The following R3HCC1L variants were observed in gnomAD, a reference collection of about 807,000 sequenced individuals.
R3HCC1L encodes the protein coiled-coil domain-containing protein R3HCC1L.
A neutral mutation model predicts 59.9 loss-of-function variants in R3HCC1L; 51 were observed. The observed-to-expected ratio is 0.85, with a 90% confidence interval of 0.68 to 1.07. The LOEUF (loss-of-function observed/expected upper bound fraction) is 1.07. Ranked by LOEUF, R3HCC1L falls within the 50% of genes least tolerant of loss-of-function variation. The pLI, the probability that R3HCC1L is intolerant of heterozygous loss-of-function variation, is 0.00. For synonymous variants in R3HCC1L, 322 were observed against 315.2 expected (o/e 1.02, Z -0.23); for missense variants, 965 against 933.0 (o/e 1.03, Z -0.45).
At chr10:98,168,841 C>T (rs1848216095) in intron 4 of R3HCC1L, among the ~76,000 whole-genome samples, 1 of 152,178 alleles carries the variant, frequency 6.6e-6, no homozygotes, top group South Asian at 2.1e-4. Context: ...ACCAGTTTCA[C>T]TGGTTGGTGG....
Position 98,209,383 on chromosome 10 carries a change from C to A in R3HCC1L, c.1269C>A (p.Thr423=), listed in dbSNP as rs1195932512. 1 of 1,613,848 alleles carries A rather than the reference C, an allele frequency of 6.2e-7. No homozygotes were observed. Among genetic ancestry groups the A allele is most frequent in the Non-Finnish European group, 8.5e-7 (1 of 1,179,970 alleles). The change falls in exon 5 of 10, where the codon ACC becomes ACA. Residue 423 remains threonine, a synonymous_variant. Transcript: ENST00000298999. ...SKFVGMSADA[T]PLHVARSGND... ...TTGTAGGAATGAGTGCAGATGCAAC[C>A]CCTCTTCATGTAGCTAGAAGTGGGA...
chr10:98,192,262 A>G (rs1850941590), intron 4 of R3HCC1L, among the ~76,000 whole-genome samples: 1 of 152,146 alleles, frequency 6.6e-6, no homozygotes, highest in African/African-American at 2.4e-5. Flanking sequence ...TAAGTCTTAT[A>G]AAGCTTTAAA....
At chr10:98,135,855 C>T (rs942654600) in intron 1 of R3HCC1L, among the ~76,000 whole-genome samples, 2 of 152,172 alleles carry the variant, frequency 1.3e-5, no homozygotes, top group Non-Finnish European at 2.9e-5. Context: ...CAACTAATAC[C>T]TGTCCCCAGC....
intron 4 of R3HCC1L, among the ~76,000 whole-genome samples, chr10:98,174,955 T>G (rs144457906): frequency 6.6e-6 from 1 of 152,282 alleles, no homozygotes; most frequent in Non-Finnish European, 1.5e-5. Context: ...CCGTTCAAAT[T>G]AAAAATATAG....
At position 98,208,937 on chromosome 10, in the gene R3HCC1L, G is replaced by T. The variant is rs1420557053; in HGVS notation, c.823G>T (p.Gly275Cys). The change falls in exon 5 of 10, where the codon GGT becomes TGT. Residue 275 changes from glycine (G) to cysteine (C), a missense_variant. By Grantham distance (159) the Gly-to-Cys change is radical (BLOSUM62 -3). Coordinates refer to ENST00000298999, the MANE Select transcript of R3HCC1L (RefSeq NM_001351015.2). ...TACTTCTGTTCCTGGAAGTCCAGAT[G>T]GTGTCTTTGATCAAACTTGCGTAGA... is the stretch of plus-strand genomic sequence containing the variant. Reference protein sequence around the residue: ...TTTSVPGSPDGVFDQTCVDFE... With the variant: ...TTTSVPGSPDCVFDQTCVDFE... The T allele has an allele frequency of 6.2e-7, 1 of 1,614,062 alleles. No individual in the cohort carries two copies. Among genetic ancestry groups the T allele is most frequent in the Admixed American group, 1.7e-5 (1 of 60,012 alleles).
intron 1 of R3HCC1L, among the ~76,000 whole-genome samples, chr10:98,143,942 A>G (rs182481742): frequency 3.9e-5 from 6 of 152,222 alleles, no homozygotes; most frequent in Admixed American, 3.9e-4. Flanking sequence ...CTGTGTGTCT[A>G]TTACCGTAGC....
At position 98,208,548 on chromosome 10, in the gene R3HCC1L, TG is replaced by T; in HGVS notation, c.436del (p.Glu146SerfsTer10). On this transcript the variant is annotated frameshift_variant, in exon 5 of 10. Transcript: ENST00000298999. LOFTEE classifies it high-confidence loss of function. ...CAGAGACATTTTAAACCAAAGAAGG[TG>T]GAGTGTTTGGAAGTTGAAACTACGG... Reference protein sequence around the residue: ...PLQRHFKPKKVECLEVETTDV... With the variant: ...PLQRHFKPKKXECLEVETTDV... The T allele has an allele frequency of 6.2e-7, 1 of 1,613,994 alleles. No homozygotes were observed. Among genetic ancestry groups the T allele is most frequent in the Non-Finnish European group, 8.5e-7 (1 of 1,179,994 alleles).
At chr10:98,201,926 G>T (rs768678646) in intron 4 of R3HCC1L, among the ~76,000 whole-genome samples, 41 of 145,468 alleles carry the variant, frequency 2.8e-4, no homozygotes, top group Admixed American at 7.0e-4. Context: ...TCACTACCTT[G>T]CCCAAGCTGG....
chr10:98,190,775 G>A (rs958706276), intron 4 of R3HCC1L, among the ~76,000 whole-genome samples: 3 of 152,046 alleles, frequency 2.0e-5, no homozygotes, highest in Non-Finnish European at 4.4e-5. Context: ...TTTACATTAG[G>A]TATTTCACCT....
intron 4 of R3HCC1L, among the ~76,000 whole-genome samples, chr10:98,187,887 C>T (rs1850395717): frequency 6.6e-6 from 1 of 151,820 alleles, no homozygotes; most frequent in Admixed American, 6.6e-5. Context: ...CAGATGTGCA[C>T]CACCATGCCC....
intron 1 of R3HCC1L, among the ~76,000 whole-genome samples, chr10:98,148,402 G>T (rs1205546591): frequency 1.3e-5 from 2 of 152,050 alleles, no homozygotes; most frequent in Non-Finnish European, 2.9e-5. Flanking sequence ...TATTGCTCTG[G>T]CCAGAACTTC....
chr10:98,235,440 G>A lies in R3HCC1L; in HGVS notation c.2048G>A (p.Gly683Asp). The change falls in exon 8 of 10, where the codon GGT becomes GAT. Residue 683 changes from glycine (G) to aspartate (D), a missense_variant. Physicochemically the swap from Gly to Asp is moderately conservative, Grantham distance 94. Coordinates refer to ENST00000298999, the MANE Select transcript of R3HCC1L (RefSeq NM_001351015.2). ...CTCTTTGCAGCTCGTGATGCGTTGGGTATTAAACACACCATGGTGAAGATT... is the reference window on the plus strand; with the variant it reads ...CTCTTTGCAGCTCGTGATGCGTTGGATATTAAACACACCATGGTGAAGATT... ...SSPITARDAL[G>D]IKHTMVKIRP... is the part of the protein sequence containing the mutation. 1.2e-6 allele frequency: 2 copies of A among 1,613,442 alleles called. No individual in the cohort carries two copies. The highest frequency in any genetic ancestry group is 1.1e-5 in the South Asian group (1 of 91,016).
chr10:98,225,682 T>C (rs1855595126), intron 5 of R3HCC1L, among the ~76,000 whole-genome samples: 1 of 152,198 alleles, frequency 6.6e-6, no homozygotes, highest in Non-Finnish European at 1.5e-5. Context: ...TGTTTTTTGC[T>C]ATTATTAACA....
At chr10:98,145,895 G>A (rs1845604471) in intron 1 of R3HCC1L, among the ~76,000 whole-genome samples, 1 of 151,716 alleles carries the variant, frequency 6.6e-6, no homozygotes, top group African/African-American at 2.4e-5. Context: ...GTTGCAGTGA[G>A]CCAAGATCAC....
At chr10:98,229,263 A>G (rs1590811203) in intron 5 of R3HCC1L, among the ~76,000 whole-genome samples, 1 of 152,140 alleles carries the variant, frequency 6.6e-6, no homozygotes, top group Admixed American at 6.5e-5. Context: ...TATTTCATCA[A>G]GCAGTGGTTT....
At chr10:98,142,053 G>T (rs1845193875) in intron 1 of R3HCC1L, among the ~76,000 whole-genome samples, 1 of 152,122 alleles carries the variant, frequency 6.6e-6, no homozygotes, top group Non-Finnish European at 1.5e-5. Context: ...GTGTTATTTT[G>T]TTAAAAAATT....
intron 2 of R3HCC1L, among the ~76,000 whole-genome samples, chr10:98,160,423 AGT>A (rs1847298455): frequency 6.6e-6 from 1 of 152,204 alleles, no homozygotes; most frequent in African/African-American, 2.4e-5. Context: ...AAATATTTTA[AGT>A]GTATTAGATA....
intron 1 of R3HCC1L, among the ~76,000 whole-genome samples, chr10:98,148,946 G>A (rs1264609066): frequency 2.0e-5 from 3 of 152,072 alleles, no homozygotes; most frequent in Non-Finnish European, 4.4e-5. Context: ...GAGCAGAATT[G>A]GTATTCTTTG....
chr10:98,231,652 T>C lies in R3HCC1L; in HGVS notation c.1926T>C (p.His642=), dbSNP rs953062030. The change falls in exon 6 of 10, where the codon CAT becomes CAC. Residue 642 remains histidine (H), a synonymous_variant. Coordinates refer to ENST00000298999, the MANE Select transcript of R3HCC1L (RefSeq NM_001351015.2). Reference sequence around the variant, plus strand: ...TTTATGACTTTCCCCAAGAATTTCATACTGAAGACCTTCTACGGGTTTTCT... The same window carrying C: ...TTTATGACTTTCCCCAAGAATTTCACACTGAAGACCTTCTACGGGTTTTCT... ...IEIYDFPQEF[H]TEDLLRVFCS... is the part of the protein sequence containing the mutation. 5.0e-6 allele frequency: 8 copies of C among 1,611,904 alleles called. No homozygotes were observed. The highest frequency in any genetic ancestry group is 1.1e-5 in the South Asian group (1 of 90,874).
Sources: allele counts gnomAD v4.1 joint callset (sites outside exome capture counted in the v4.1 genomes callset), GRCh38; gene constraint gnomAD v4.1.1; transcripts MANE v1.5; gene names NCBI Gene and HGNC (gene_info 2026-07-23, HGNC 2026-07-21).